Variants in NOTCH2 observed in about 807,000 individuals in gnomAD.
The protein encoded by NOTCH2 is notch receptor 2.
Under a neutral mutation model 235.8 loss-of-function variants are expected in NOTCH2, and 29 were observed. The ratio of observed to expected loss-of-function variants is 0.12; its 90% CI spans 0.09 to 0.17. The LOEUF (loss-of-function observed/expected upper bound fraction) is 0.17. Among genes scored for constraint, NOTCH2 ranks in the 10% least tolerant of loss-of-function variants. The pLI, the probability that NOTCH2 is intolerant of heterozygous loss-of-function variation, is 1.00. For missense variants in NOTCH2, 2,285 were observed against 3,150.2 expected (o/e 0.73, Z 6.57); for synonymous variants, 1,086 against 1,141.5 (o/e 0.95, Z 0.98).
At chr1:120,044,180 CAG>C (rs1654706759) in intron 1 of NOTCH2, among the ~76,000 whole-genome samples, 2 of 122,356 alleles carry the variant, frequency 1.6e-5, no homozygotes, top group Admixed American at 1.7e-4. Flanking sequence ...AACTACTGAA[CAG>C]AGAAGCATGG....
chr1:119,996,483 G>T lies in NOTCH2; in HGVS notation c.751+514C>A, dbSNP rs587602804. ...AAGTCAGAGAGGGTACATGGGAGAG[G>T]GTTGTGAAGGCCAGTAGCCCAGAGA... On this transcript the variant is annotated intron_variant, in intron 4 of 33. Coordinates refer to ENST00000256646, the MANE Select transcript of NOTCH2 (RefSeq NM_024408.4). The T allele has an allele frequency of 8.1e-5, 49 of 603,268 alleles. No homozygotes were observed. The South Asian group carries it at 8.3e-4, about 10-fold the overall frequency. 37.4% of individuals were successfully genotyped at this position (603,268 alleles called of 1,614,324 possible).
chr1:119,985,388 G>A (rs916641685), intron 5 of NOTCH2, among the ~76,000 whole-genome samples: 2 of 152,120 alleles, frequency 1.3e-5, no homozygotes, highest in Non-Finnish European at 2.9e-5. Context: ...GACTTCTAGC[G>A]AAAAGAGGCA....
chr1:119,948,152 T>A (rs941257372), intron 17 of NOTCH2, among the ~76,000 whole-genome samples: 3 of 152,220 alleles, frequency 2.0e-5, no homozygotes, highest in Non-Finnish European at 4.4e-5. Context: ...ATCTGTTTTT[T>A]AAAAAACACT....
At chr1:119,975,565 G>A (rs1553200822) in intron 5 of NOTCH2, among the ~76,000 whole-genome samples, 1 of 150,254 alleles carries the variant, frequency 6.7e-6, no homozygotes, top group East Asian at 2.0e-4. Context: ...AGAATCGCTT[G>A]AATCCAGGAG....
intron 2 of NOTCH2, among the ~76,000 whole-genome samples, chr1:120,027,323 CA>C (rs1353492000): frequency 1.4e-5 from 2 of 139,504 alleles, no homozygotes; most frequent in Non-Finnish European, 3.1e-5. Flanking sequence ...CATGTCAGAC[CA>C]AAAATATATA....
chr1:120,015,071 C>A (rs1193872964), intron 2 of NOTCH2, among the ~76,000 whole-genome samples: 1 of 149,546 alleles, frequency 6.7e-6, no homozygotes, highest in African/African-American at 2.5e-5. Context: ...AATCCCACCA[C>A]ATACAAGAAG....
At chr1:119,980,521 C>T (rs868930728) in intron 5 of NOTCH2, among the ~76,000 whole-genome samples, 1 of 152,190 alleles carries the variant, frequency 6.6e-6, no homozygotes, top group Non-Finnish European at 1.5e-5. Flanking sequence ...CCTTCCTTCT[C>T]CCCAAAGCCT....
rs1289047476 is a variant in NOTCH2 at position 119,953,049 on chromosome 1, C to T, written c.2365+494G>A. Among the ~76,000 whole-genome samples the T allele has an allele frequency of 7.2e-5, 11 of 152,274 alleles. No individual in the cohort carries two copies. In the South Asian group the frequency reaches 1.0e-3, roughly 14 times the overall value. ...ATTTCAGGCTGGGTGCGGTGGCTCACGCCTGTAATCCCAGCACTTTGAGAG... is the reference window on the plus strand; with the variant it reads ...ATTTCAGGCTGGGTGCGGTGGCTCATGCCTGTAATCCCAGCACTTTGAGAG... On this transcript the variant is annotated intron_variant, in intron 14 of 33. Transcript: ENST00000256646.
In NOTCH2 at chr1:119,916,332, C is replaced by T. The variant is rs1649068366; in HGVS notation, c.6390G>A (p.Arg2130=). 6.2e-7 allele frequency: 1 copy of T among 1,614,082 alleles called. No homozygotes were observed. The highest frequency in any genetic ancestry group is 1.3e-5 in the African/African-American group (1 of 74,930). Residue 2130 remains arginine, a synonymous_variant, in exon 34 of 34, where the codon AGG becomes AGA. Coordinates refer to ENST00000256646, the MANE Select transcript of NOTCH2 (RefSeq NM_024408.4). ...AKEAKDAKGS[R]RKKSLSEKVQ... ...CCTTCTCACTCAGAGACTTCTTCCT[C>T]CTACTACCCTTGGCATCCTTTGCCT...
chr1:119,954,011 T>C (rs969523863), intron 13 of NOTCH2, among the ~76,000 whole-genome samples: 2 of 152,222 alleles, frequency 1.3e-5, no homozygotes, highest in Non-Finnish European at 2.9e-5. Flanking sequence ...TGTATGTTAT[T>C]ATACATAAAA....
At chr1:119,969,428 G>T in intron 6 of NOTCH2, 83 bp downstream of exon 6, 1 of 1,125,694 alleles carries the variant, frequency 8.9e-7, no homozygotes, top group Non-Finnish European at 1.3e-6. Flanking sequence ...CAAAGAATAT[G>T]CTGTTTGGGA....
At position 119,923,764 on chromosome 1, in the gene NOTCH2, G is replaced by C; in HGVS notation, c.4732C>G (p.Arg1578Gly). The change falls in exon 26 of 34, where the codon CGC becomes GGC. Residue 1578 changes from arginine (R) to glycine (G), a missense_variant. This residue lies in a region of NOTCH2 where 1,173 missense variants were observed against 1,515.3 expected (regional missense o/e 0.77). Transcript: ENST00000256646. ...TCCCCCTGGGAGTCCCGCTTAATGC[G>C]CAGGTTGGTGTGGAGCAGGGTACCC... is the stretch of plus-strand genomic sequence containing the variant. The part of the protein sequence containing the change: ...ALGTLLHTNL[R>G]IKRDSQGELM... 6.2e-7 allele frequency: 1 copy of C among 1,614,156 alleles called. No individual in the cohort carries two copies. Among genetic ancestry groups the C allele is most frequent in the Non-Finnish European group, 8.5e-7 (1 of 1,180,032 alleles).
At position 119,915,384 on chromosome 1, in the gene NOTCH2, C is replaced by G. The variant is rs372087953; in HGVS notation, c.7338G>C (p.Gly2446=). Residue 2446 remains glycine, a synonymous_variant, in exon 34 of 34, where the codon GGG becomes GGC. Coordinates refer to ENST00000256646, the MANE Select transcript of NOTCH2 (RefSeq NM_024408.4). ...WSDVTTSPTP[G]GAGGGQRGPG... ...GTCCCCGCTGACCTCCTCCAGCACC[C>G]CCAGGGGTAGGGCTGGTGGTCACAT... The G allele has an allele frequency of 6.2e-7, 1 of 1,614,162 alleles. No individual in the cohort carries two copies. Among genetic ancestry groups the G allele is most frequent in the South Asian group, 1.1e-5 (1 of 91,078 alleles).
chr1:119,979,906 GTAGA>G (rs1275993176), intron 5 of NOTCH2, among the ~76,000 whole-genome samples: 1 of 152,042 alleles, frequency 6.6e-6, no homozygotes, highest in African/African-American at 2.4e-5. Context: ...GACATTAAAA[GTAGA>G]TAGATGAATT....
chr1:119,913,394 T>C lies in NOTCH2; in HGVS notation c.*1912A>G, dbSNP rs752843645. The C allele has an allele frequency of 1.2e-4, 27 of 233,084 alleles. No homozygotes were observed. Among genetic ancestry groups the C allele is most frequent in the Admixed American group, 2.3e-4 (4 of 17,776 alleles). 14.4% of individuals were successfully genotyped at this position (233,084 alleles called of 1,614,324 possible). On this transcript the variant is annotated 3_prime_UTR_variant, in exon 34 of 34. Coordinates refer to ENST00000256646, the MANE Select transcript of NOTCH2 (RefSeq NM_024408.4). Reference sequence around the variant, plus strand: ...CAGGTAAGTGGGAAGCACTGATGCATACTTGCAGCCATAGAAGGAATGAGA... The same window carrying C: ...CAGGTAAGTGGGAAGCACTGATGCACACTTGCAGCCATAGAAGGAATGAGA...
intron 23 of NOTCH2, among the ~76,000 whole-genome samples, chr1:119,928,768 A>C (rs1156558567): frequency 1.3e-5 from 2 of 152,238 alleles, no homozygotes; most frequent in African/African-American, 4.8e-5. Flanking sequence ...CAACAAAAGA[A>C]TCTCTTAGGA....
chr1:119,919,298 C>T lies in NOTCH2; in HGVS notation c.5781+14G>A. 6.2e-7 allele frequency: 1 copy of T among 1,606,440 alleles called. No individual in the cohort carries two copies. Among genetic ancestry groups the T allele is most frequent in the African/African-American group, 1.3e-5 (1 of 74,976 alleles). On this transcript the variant is annotated intron_variant, in intron 31 of 33. Transcript: ENST00000256646. ...AGGAATTATTATTCAAGTGACTCTT[C>T]TCATGTTCTTTACCTGGAAGACACC...
rs752648783 is a variant in NOTCH2, at chr1:119,914,712, C to G, written c.*594G>C. 9 of 249,636 alleles carry G rather than the reference C, an allele frequency of 3.6e-5. No homozygotes were observed. Among genetic ancestry groups the G allele is most frequent in the Non-Finnish European group, 5.5e-5 (7 of 126,696 alleles). The allele number at this position is 249,636 out of a possible 1,614,324, so 15.5% of individuals were successfully genotyped here. A position where few individuals can be genotyped will look rare whatever the true frequency, so the allele number is the denominator to read the frequency against. ...AACCTTGTGAGACTCCAAGGGATACCGGGAAGACAGGAGGGGAAAGGAGAC... is the reference window on the plus strand; with the variant it reads ...AACCTTGTGAGACTCCAAGGGATACGGGGAAGACAGGAGGGGAAAGGAGAC... On this transcript the variant is annotated 3_prime_UTR_variant, in exon 34 of 34. Transcript: ENST00000256646.
chr1:120,062,897 T>C (rs587647354), intron 1 of NOTCH2, among the ~76,000 whole-genome samples: 12 of 152,356 alleles, frequency 7.9e-5, no homozygotes, highest in Admixed American at 3.9e-4. Flanking sequence ...TTCCAAGCTA[T>C]GGCTTTATCA....
Sources: gnomAD v4.1 joint callset for allele counts (sites outside exome capture counted in the v4.1 genomes callset) on GRCh38, gnomAD v4.1.1 for gene constraint, gnomAD v4.1.1 regional missense constraint, MANE v1.5 for transcripts, NCBI Gene and HGNC (gene_info 2026-07-23, HGNC 2026-07-21) for gene names.